Variants in BCCIP observed in about 807,000 individuals in gnomAD.
The protein encoded by BCCIP is BRCA2 and CDKN1A-interacting protein.
BCCIP carries 23 observed loss-of-function variants against 32.8 expected under a neutral mutation model. The ratio of observed to expected loss-of-function variants is 0.70; its 90% CI spans 0.51 to 0.99. The LOEUF (loss-of-function observed/expected upper bound fraction) is 0.99, where lower values mean the gene tolerates loss of function less well. Ranked by LOEUF, BCCIP falls within the 50% of genes least tolerant of loss-of-function variation. The pLI, the probability that BCCIP is intolerant of heterozygous loss-of-function variation, is 0.00. For synonymous variants in BCCIP, 144 were observed against 137.6 expected (o/e 1.05, Z -0.33); for missense variants, 378 against 379.8 (o/e 1.00, Z 0.04).
chr10:125,843,366 T>C (rs921662848), downstream of BCCIP, among the ~76,000 whole-genome samples: 1 of 152,140 alleles, frequency 6.6e-6, no homozygotes, highest in African/African-American at 2.4e-5. Flanking sequence ...AAAACCTCAC[T>C]TTGGGAGGCC....
intron 3 of BCCIP, among the ~76,000 whole-genome samples, chr10:125,829,976 C>T (rs1854485878): frequency 6.7e-6 from 1 of 149,270 alleles, no homozygotes; most frequent in African/African-American, 2.5e-5. Flanking sequence ...TTCGGTGGAG[C>T]CAGTCCCTAG....
At chr10:125,832,797 CCTATCTTTTTTT>C (rs1854553794) in intron 5 of BCCIP, among the ~76,000 whole-genome samples, 1 of 148,756 alleles carries the variant, frequency 6.7e-6, no homozygotes, top group Non-Finnish European at 1.5e-5. Context: ...ATTACAAGAC[CCTATCTTTTTTT>C]TTTTCTTTTT....
chr10:125,824,984 G>GTGGGTATGTGATCAATCTTCCTTCC (rs1854341111), intron 1 of BCCIP, among the ~76,000 whole-genome samples: 2 of 152,292 alleles, frequency 1.3e-5, no homozygotes, highest in African/African-American at 4.8e-5. Context: ...ACACCATGGT[G>GTGGGTATGTGATCAATCTTCCTTCC]TGGGTATGTG....
At chr10:125,834,813 AAAAC>A (rs754066031) in intron 6 of BCCIP, among the ~76,000 whole-genome samples, 1 of 45,656 alleles carries the variant, frequency 2.2e-5, no homozygotes, top group South Asian at 1.0e-3. Flanking sequence ...CTCCGTCTCA[AAAAC>A]AAACAAACAA....
At chr10:125,842,288 C>G (rs78697481) in exon 7 of BCCIP, 2,732 of 215,146 alleles carry the variant, frequency 0.013, 82 homozygotes, top group African/African-American at 0.06. Context: ...TGGAGAGAGA[C>G]ACACAGATCT....
At chr10:125,838,483 C>A, downstream of BCCIP, 1 of 1,180,136 alleles carries the variant, frequency 8.5e-7, no homozygotes. Flanking sequence ...GTATTTTATA[C>A]GGGATAGTTA....
At position 125,827,614 on chromosome 10, in the gene BCCIP, G is replaced by C. The variant is rs1854429404; in HGVS notation, c.297G>C (p.Gln99His). 8 of 1,611,818 alleles carry C rather than the reference G, an allele frequency of 5.0e-6. No homozygotes were observed. Among genetic ancestry groups the C allele is most frequent in the Non-Finnish European group, 5.9e-6 (7 of 1,177,998 alleles). Residue 99 changes from glutamine (Q) to histidine (H), a missense_variant, in exon 3 of 7, where the codon CAG (glutamine) becomes CAC (histidine). Coordinates refer to ENST00000278100, the MANE Select transcript of BCCIP (RefSeq NM_078468.3). ...TAELTDLLIQQNHIGSVIKQT... is the reference protein window; with the variant it reads ...TAELTDLLIQHNHIGSVIKQT... ...AACTAACAGATCTCTTAATTCAACA[G>C]AACCATATTGGGAGTGTGATTAAGG...
In BCCIP at chr10:125,827,222, T is replaced by C. The variant is rs138956294; in HGVS notation, c.241-336T>C. On this transcript the variant is annotated intron_variant, in intron 2 of 6. Transcript: ENST00000278100. Reference sequence around the variant, plus strand: ...TGATGCTTGCTGCTTCTCCTTATTCTTTTACTCATATAATATGACTTTGGT... The same window carrying C: ...TGATGCTTGCTGCTTCTCCTTATTCCTTTACTCATATAATATGACTTTGGT... Among the ~76,000 whole-genome samples the C allele has an allele frequency of 4.6e-5, 7 of 152,214 alleles. No individual in the cohort carries two copies. In the East Asian group the frequency reaches 1.4e-3, roughly 29 times the overall value.
downstream of BCCIP, among the ~76,000 whole-genome samples, chr10:125,845,028 C>G (rs1943993496): frequency 6.6e-6 from 1 of 152,186 alleles, no homozygotes; most frequent in Non-Finnish European, 1.5e-5. Flanking sequence ...ATTTTCCTTC[C>G]TTGGCATCAG....
chr10:125,831,691 A>G, intron 5 of BCCIP, 84 bp downstream of exon 5: 1 of 1,337,976 alleles, frequency 7.5e-7, no homozygotes, highest in Non-Finnish European at 1.0e-6. Flanking sequence ...GAATATGTAG[A>G]TATAGAAAGA....
chr10:125,830,336 G>A (rs570515141), intron 3 of BCCIP, among the ~76,000 whole-genome samples: 3 of 152,328 alleles, frequency 2.0e-5, no homozygotes, highest in South Asian at 2.1e-4. Context: ...GAGGTAAAGC[G>A]AAATGAACAA....
At chr10:125,824,941 A>G (rs1019496004) in intron 1 of BCCIP, among the ~76,000 whole-genome samples, 1 of 152,274 alleles carries the variant, frequency 6.6e-6, no homozygotes, top group African/African-American at 2.4e-5. Flanking sequence ...GGAGGGGAGC[A>G]TGGAGAGAAG....
intron 6 of BCCIP, among the ~76,000 whole-genome samples, chr10:125,835,390 T>C (rs1891361): frequency 0.48 from 73,254 of 151,854 alleles, 18,347 homozygotes; most frequent in Admixed American, 0.62. Flanking sequence ...CCATCCTGGC[T>C]AACACGATGA....
At chr10:125,839,292 TACAA>T, downstream of BCCIP, 2 of 1,202,838 alleles carry the variant, frequency 1.7e-6, no homozygotes, top group African/African-American at 1.5e-5. Flanking sequence ...TCTCCTCTCC[TACAA>T]AGGAGGCCAC....
intron 5 of BCCIP, among the ~76,000 whole-genome samples, chr10:125,833,195 C>T (rs185067586): frequency 6.6e-6 from 1 of 150,918 alleles, no homozygotes; most frequent in Admixed American, 6.6e-5. Flanking sequence ...TTCTTTTGTT[C>T]AAGGGCATCC....
downstream of BCCIP, among the ~76,000 whole-genome samples, chr10:125,845,179 T>C (rs1355432759): frequency 3.3e-5 from 5 of 152,164 alleles, no homozygotes; most frequent in Non-Finnish European, 7.4e-5. Flanking sequence ...ACGCGGCATG[T>C]TTCCCATGTT....
At chr10:125,847,284 T>C (rs1260350944), downstream of BCCIP, among the ~76,000 whole-genome samples, 4 of 152,192 alleles carry the variant, frequency 2.6e-5, no homozygotes, top group Non-Finnish European at 5.9e-5. Flanking sequence ...ACTAAAAAAC[T>C]TGTTTTGGAT....
At chr10:125,838,144 A>G, downstream of BCCIP, 1 of 1,457,358 alleles carries the variant, frequency 6.9e-7, no homozygotes, top group African/African-American at 1.4e-5. Flanking sequence ...CAAATTTGTC[A>G]TTTACTCCTA....
At chr10:125,835,381 C>T (rs1191398466) in intron 6 of BCCIP, among the ~76,000 whole-genome samples, 1 of 152,128 alleles carries the variant, frequency 6.6e-6, no homozygotes, top group Non-Finnish European at 1.5e-5. Flanking sequence ...GAGATCAGAC[C>T]ATCCTGGCTA....
Sources: gnomAD v4.1 joint callset for allele counts (sites outside exome capture counted in the v4.1 genomes callset) on GRCh38, gnomAD v4.1.1 for gene constraint, MANE v1.5 for transcripts, NCBI Gene and HGNC (gene_info 2026-07-23, HGNC 2026-07-21) for gene names.